The following SMG6 variants were observed in gnomAD, a reference collection of about 807,000 sequenced individuals.
The protein encoded by SMG6 is SMG6 nonsense mediated mRNA decay factor, also known as telomerase-binding protein EST1A.
A neutral mutation model predicts 142.2 loss-of-function variants in SMG6; 66 were observed. The ratio of observed to expected loss-of-function variants is 0.46; its 90% CI spans 0.38 to 0.57. The LOEUF (loss-of-function observed/expected upper bound fraction) is 0.57. SMG6 is among the 20% of genes least tolerant of loss of function. The pLI, the probability that SMG6 is intolerant of heterozygous loss-of-function variation, is 0.00. For missense variants in SMG6, 1,793 were observed against 1,832.0 expected (o/e 0.98, Z 0.39); for synonymous variants, 779 against 702.4 (o/e 1.11, Z -1.72).
chr17:2,249,048 C>T (rs568006208), intron 8 of SMG6, among the ~76,000 whole-genome samples: 34 of 150,990 alleles, frequency 2.3e-4, no homozygotes, highest in Non-Finnish European at 2.1e-4. Context: ...CACCACGCCC[C>T]GTTAATTTTT....
chr17:2,205,050 T>C (rs1452355668), intron 10 of SMG6, among the ~76,000 whole-genome samples: 2 of 152,160 alleles, frequency 1.3e-5, no homozygotes, highest in Non-Finnish European at 2.9e-5. Flanking sequence ...ATACATTGTT[T>C]GAAACCTGTA....
At position 2,300,458 on chromosome 17, in the gene SMG6, T is replaced by C. The variant is rs1183450292; in HGVS notation, c.295A>G (p.Lys99Glu). 2.5e-6 allele frequency: 4 copies of C among 1,614,186 alleles called. No homozygotes were observed. The highest frequency in any genetic ancestry group is 2.2e-5 in the South Asian group (2 of 91,080). Residue 99 changes from lysine (K) to glutamate (E), a missense_variant, in exon 2 of 19, where the codon AAG (lysine) becomes GAG (glutamate). Around this residue, in one of 3 missense-constraint regions of SMG6, gnomAD observed 1,597 missense variants for 1,584.6 expected, o/e 1.01. Coordinates refer to ENST00000263073, the MANE Select transcript of SMG6 (RefSeq NM_017575.5). ...NGTQPVKDVC[K>E]ELNNQEQNGP... ...TTCTGCTCTTGGTTGTTCAGTTCCT[T>C]GCAGACATCTTTAACGGGCTGTGTA...
intron 13 of SMG6, among the ~76,000 whole-genome samples, chr17:2,134,346 A>ATCTTG (rs1305419429): frequency 7.7e-6 from 1 of 130,642 alleles, no homozygotes; most frequent in African/African-American, 2.8e-5. Flanking sequence ...TGAACCCAAG[A>ATCTTG]GGCGAAGGTT....
intron 16 of SMG6, among the ~76,000 whole-genome samples, chr17:2,066,652 TAC>T (rs1161956483): frequency 0.078 from 9,341 of 119,442 alleles, 366 homozygotes; most frequent in Non-Finnish European, 0.1. Flanking sequence ...CATGTGGGAA[TAC>T]ACACACACAC....
At chr17:2,298,141 A>C in intron 2 of SMG6, 86 bp from the exon 3 acceptor site, 2 of 1,231,188 alleles carry the variant, frequency 1.6e-6, no homozygotes, top group South Asian at 3.0e-5. Flanking sequence ...CAAATTAACC[A>C]CCTCCCCTGG....
At chr17:2,271,450 A>G (rs954873034) in intron 8 of SMG6, among the ~76,000 whole-genome samples, 1 of 150,282 alleles carries the variant, frequency 6.7e-6, no homozygotes, top group African/African-American at 2.4e-5. Flanking sequence ...ATGGTGGCTC[A>G]TGCCTGTAAT....
chr17:2,085,661 A>T lies in SMG6; in HGVS notation c.3534+64T>A. 6.7e-7 allele frequency: 1 copy of T among 1,502,916 alleles called. No individual in the cohort carries two copies. The highest frequency in any genetic ancestry group is 9.0e-7 in the Non-Finnish European group (1 of 1,106,218). The allele number at this position is 1,502,916 out of a possible 1,614,324, so 93.1% of individuals were successfully genotyped here. On this transcript the variant is annotated intron_variant, in intron 14 of 18. Coordinates refer to ENST00000263073, the MANE Select transcript of SMG6 (RefSeq NM_017575.5). This position sits in a 1 kb window ranked among gnomAD's most constrained non-coding sequence, Gnocchi z 4.1. ...CATAAATAAGCAGGAGGAAAAGCTG[A>T]AGCCACGAGCAGAATGGGGAGGGGG...
At chr17:2,069,733 G>C (rs979168098) in intron 15 of SMG6, among the ~76,000 whole-genome samples, 5 of 152,210 alleles carry the variant, frequency 3.3e-5, no homozygotes, top group African/African-American at 4.8e-5. Context: ...GATGAATTAA[G>C]ACTCAACTCA....
At chr17:2,178,919 C>A (rs2071726207) in intron 12 of SMG6, among the ~76,000 whole-genome samples, 1 of 152,206 alleles carries the variant, frequency 6.6e-6, no homozygotes, top group Non-Finnish European at 1.5e-5. Context: ...TTAGCACACA[C>A]TGGACCCAAA....
intron 10 of SMG6, among the ~76,000 whole-genome samples, chr17:2,215,020 C>T (rs999361868): frequency 6.6e-6 from 1 of 152,198 alleles, no homozygotes; most frequent in Non-Finnish European, 1.5e-5. Context: ...CACAACTCCA[C>T]GGGGCCCTGG....
At chr17:2,207,542 G>T (rs1441268092) in intron 10 of SMG6, among the ~76,000 whole-genome samples, 3 of 152,078 alleles carry the variant, frequency 2.0e-5, no homozygotes, top group Non-Finnish European at 4.4e-5. Flanking sequence ...AAAAACTCTA[G>T]ATAAATGAGA....
At chr17:2,264,416 C>T (rs1164496939) in intron 8 of SMG6, among the ~76,000 whole-genome samples, 1 of 152,106 alleles carries the variant, frequency 6.6e-6, no homozygotes, top group Non-Finnish European at 1.5e-5. Context: ...TGAACAAGTC[C>T]CTCAAGTACA....
In SMG6 at chr17:2,060,131, C is replaced by G. The variant is rs1301070637; in HGVS notation, c.*1361G>C. 7 of 152,710 alleles carry G rather than the reference C, an allele frequency of 4.6e-5. No individual in the cohort carries two copies. The highest frequency in any genetic ancestry group is 7.3e-5 in the Non-Finnish European group (5 of 68,304). 9.5% of individuals were successfully genotyped at this position (152,710 alleles called of 1,614,324 possible). Reference sequence around the variant, plus strand: ...CAGAGCTGCGCACCCATCCTCCAGGCAGGCTGTGCAGTCAGGCCATGGGCT... The same window carrying G: ...CAGAGCTGCGCACCCATCCTCCAGGGAGGCTGTGCAGTCAGGCCATGGGCT... On this transcript the variant is annotated 3_prime_UTR_variant, in exon 19 of 19. Coordinates refer to ENST00000263073, the MANE Select transcript of SMG6 (RefSeq NM_017575.5).
At chr17:2,115,697 C>T (rs980787602) in intron 13 of SMG6, among the ~76,000 whole-genome samples, 3 of 151,978 alleles carry the variant, frequency 2.0e-5, no homozygotes, top group Admixed American at 6.6e-5. Context: ...CAATATGTTG[C>T]ACTTGGAATA....
intron 15 of SMG6, among the ~76,000 whole-genome samples, chr17:2,073,885 C>T (rs565204707): frequency 6.6e-6 from 1 of 151,552 alleles, no homozygotes; most frequent in East Asian, 2.0e-4. Flanking sequence ...TTGAGACCAG[C>T]ATGGACAATA....
In SMG6 at chr17:2,085,733, C is replaced by G. The variant is rs187319098; in HGVS notation, c.3526G>C (p.Glu1176Gln). The G allele has an allele frequency of 9.9e-5, 159 of 1,613,462 alleles. No individual in the cohort carries two copies. In the East Asian group the frequency reaches 3.4e-3, roughly 35 times the overall value. Reference sequence around the variant, plus strand: ...CTCTTCCCGCATAGTACCTCATCTTCCAGTCGTGTTCCCTCTTGGCTTCCC... The same window carrying G: ...CTCTTCCCGCATAGTACCTCATCTTGCAGTCGTGTTCCCTCTTGGCTTCCC... ...EMGSQEGTRL[E>Q]DEEEDVVIED... is the part of the protein sequence containing the mutation. Residue 1176 changes from glutamate to glutamine, a missense_variant, in exon 14 of 19, where the codon GAA (glutamate) becomes CAA (glutamine). By Grantham distance (29) the Glu-to-Gln change is conservative. This residue lies in a region of SMG6 where 1,597 missense variants were observed against 1,584.6 expected (regional missense o/e 1.01). Transcript: ENST00000263073. The surrounding 1 kb of genome is among the most constrained non-coding windows in gnomAD (Gnocchi z 4.1).
At chr17:2,183,821 A>G (rs1021457460) in intron 12 of SMG6, among the ~76,000 whole-genome samples, 1 of 152,088 alleles carries the variant, frequency 6.6e-6, no homozygotes, top group African/African-American at 2.4e-5. Flanking sequence ...AGAGGCAAAG[A>G]GAAAGACAGA....
intron 11 of SMG6, 49 bp from the exon 12 acceptor site, chr17:2,186,880 G>A (rs372778017): frequency 2.4e-5 from 38 of 1,592,580 alleles, no homozygotes; most frequent in Admixed American, 3.5e-5. Context: ...TGTAGCCCCC[G>A]AGTGAGGCCT....
chr17:2,303,314 C>T (rs1319858339), intron 1 of SMG6: 8 of 1,136,922 alleles, frequency 7.0e-6, no homozygotes, highest in Non-Finnish European at 8.6e-6. Context: ...CTCCTTTCCG[C>T]GTCTCCCGAT....
Sources: allele counts gnomAD v4.1 joint callset (sites outside exome capture counted in the v4.1 genomes callset), GRCh38; gene constraint gnomAD v4.1.1; regional missense constraint gnomAD v4.1.1; non-coding constraint Gnocchi (gnomAD v3.1); transcripts MANE v1.5; gene names NCBI Gene and HGNC (gene_info 2026-07-23, HGNC 2026-07-21).